The following GLI2 variants were observed in gnomAD, a reference collection of about 807,000 sequenced individuals.
GLI2 encodes transcription activator GLI2.
Under a neutral mutation model 78.9 loss-of-function variants are expected in GLI2, and 22 were observed. That is an observed-to-expected ratio of 0.28 (90% CI 0.20 to 0.40). GLI2 has a LOEUF of 0.40. Among genes scored for constraint, GLI2 ranks in the 10% least tolerant of loss-of-function variants. The pLI is 1.00. For synonymous variants in GLI2, 974 were observed against 963.7 expected (o/e 1.01, Z -0.20); for missense variants, 2,097 against 2,213.2 (o/e 0.95, Z 1.05).
chr2:120,754,350 C>T (rs188828097), intron 1 of GLI2, among the ~76,000 whole-genome samples: 3 of 152,146 alleles, frequency 2.0e-5, no homozygotes, highest in Non-Finnish European at 1.5e-5. Flanking sequence ...AAGTTTGACT[C>T]GTGTGTGCAA....
chr2:120,890,389 A>G (rs1677620104), intron 2 of GLI2, among the ~76,000 whole-genome samples: 1 of 152,178 alleles, frequency 6.6e-6, no homozygotes, highest in Non-Finnish European at 1.5e-5. Context: ...GGTGGTAGAT[A>G]TTGAATCTGT....
chr2:120,988,911 G>T lies in GLI2; in HGVS notation c.2946G>T (p.Pro982=). The T allele has an allele frequency of 6.6e-7, 1 of 1,516,360 alleles. No homozygotes were observed. Among genetic ancestry groups the T allele is most frequent in the Non-Finnish European group, 8.8e-7 (1 of 1,135,302 alleles). 93.9% of individuals were successfully genotyped at this position (1,516,360 alleles called of 1,614,324 possible). A position where few individuals can be genotyped will look rare whatever the true frequency, so the allele number is the denominator to read the frequency against. ...ACAACGTGAACCCCGGCCCGCTGCC[G>T]CCCTGTGCCGACAGGCGAGGCCTCC... ...STHNVNPGPL[P]PCADRRGLRL... Residue 982 remains proline, a synonymous_variant, in exon 14 of 14, where the codon CCG becomes CCT. Transcript: ENST00000361492.
At chr2:120,933,861 G>A (rs1680065427) in intron 3 of GLI2, among the ~76,000 whole-genome samples, 1 of 137,214 alleles carries the variant, frequency 7.3e-6, no homozygotes, top group Non-Finnish European at 1.6e-5. Flanking sequence ...GCCCTGCCCT[G>A]CCCTGCCCTG....
At chr2:120,765,946 ACTC>A (rs1046515642) in intron 1 of GLI2, among the ~76,000 whole-genome samples, 2 of 151,870 alleles carry the variant, frequency 1.3e-5, no homozygotes, top group Non-Finnish European at 2.9e-5. Flanking sequence ...CAGGAAAAGC[ACTC>A]CTCCTGGAAT....
chr2:120,962,022 G>A (rs917937227), intron 5 of GLI2, among the ~76,000 whole-genome samples: 10 of 152,130 alleles, frequency 6.6e-5, no homozygotes, highest in Non-Finnish European at 1.3e-4. Context: ...CACACAGGCC[G>A]TGGGGGGATC....
At chr2:120,840,119 C>G (rs1686796818) in intron 2 of GLI2, among the ~76,000 whole-genome samples, 1 of 152,126 alleles carries the variant, frequency 6.6e-6, no homozygotes, top group South Asian at 2.1e-4. Context: ...TCAGTTACAT[C>G]CCGCACATTC....
intron 2 of GLI2, among the ~76,000 whole-genome samples, chr2:120,845,048 G>A (rs1009444573): frequency 6.6e-6 from 1 of 152,086 alleles, no homozygotes. Context: ...TGAGGTGGGT[G>A]GATCACTTGA....
chr2:120,750,607 G>A (rs1212143078), intron 1 of GLI2, among the ~76,000 whole-genome samples: 3 of 152,256 alleles, frequency 2.0e-5, no homozygotes, highest in Non-Finnish European at 4.4e-5. Context: ...AAGGCAGTCT[G>A]TGTGGGCACG....
chr2:120,902,025 G>A (rs1678283321), intron 2 of GLI2, among the ~76,000 whole-genome samples: 1 of 151,830 alleles, frequency 6.6e-6, no homozygotes, highest in African/African-American at 2.4e-5. Flanking sequence ...GTTGCGTGCT[G>A]GAGCCAGCTC....
Position 120,988,611 on chromosome 2 carries a change from C to A in GLI2, c.2646C>A (p.Gly882=). The part of the protein sequence containing the change: ...LRAKYAAATG[G]PPPTPLPGLE... ...CCAAGTACGCGGCAGCCACTGGCGGCCCCCCGCCCACTCCGCTGCCGGGCC... is the reference window on the plus strand; with the variant it reads ...CCAAGTACGCGGCAGCCACTGGCGGACCCCCGCCCACTCCGCTGCCGGGCC... Residue 882 remains glycine, a synonymous_variant, in exon 14 of 14, where the codon GGC becomes GGA. Coordinates refer to ENST00000361492, the MANE Select transcript of GLI2 (RefSeq NM_001374353.1). The A allele has an allele frequency of 6.8e-7, 1 of 1,468,588 alleles. No individual in the cohort carries two copies. The highest frequency in any genetic ancestry group is 9.0e-7 in the Non-Finnish European group (1 of 1,116,100). The allele number at this position is 1,468,588 out of a possible 1,614,324, so 91.0% of individuals were successfully genotyped here.
At chr2:120,784,093 C>T (rs2104674098) in intron 1 of GLI2, among the ~76,000 whole-genome samples, 1 of 152,344 alleles carries the variant, frequency 6.6e-6, no homozygotes, top group East Asian at 1.9e-4. Flanking sequence ...ATCCAGGAGA[C>T]AGCTGACTTT....
intron 2 of GLI2, among the ~76,000 whole-genome samples, chr2:120,919,372 A>C (rs982289175): frequency 6.6e-6 from 1 of 152,254 alleles, no homozygotes; most frequent in Non-Finnish European, 1.5e-5. Flanking sequence ...ACTTCAGCTG[A>C]TTGGAGTCCA....
chr2:120,898,977 A>G (rs138782612), intron 2 of GLI2, among the ~76,000 whole-genome samples: 1 of 152,304 alleles, frequency 6.6e-6, no homozygotes, highest in Non-Finnish European at 1.5e-5. Context: ...TGGCACCTCC[A>G]GACACAGAAA....
intron 1 of GLI2, among the ~76,000 whole-genome samples, chr2:120,779,149 C>T (rs939217924): frequency 2.6e-5 from 4 of 152,228 alleles, no homozygotes; most frequent in African/African-American, 4.8e-5. Context: ...AGAGTACTTA[C>T]ACGCATCAGC....
At chr2:120,789,763 G>A (rs1326575244) in intron 1 of GLI2, among the ~76,000 whole-genome samples, 1 of 152,238 alleles carries the variant, frequency 6.6e-6, no homozygotes, top group African/African-American at 2.4e-5. Context: ...GATGGAGAAA[G>A]TAGAAAACTA....
chr2:120,769,584 T>C (rs1247607758), intron 1 of GLI2, among the ~76,000 whole-genome samples: 1 of 152,234 alleles, frequency 6.6e-6, no homozygotes, highest in African/African-American at 2.4e-5. Context: ...AGGAAATAAC[T>C]TACAGAAGGC....
At chr2:120,980,412 T>C (rs1682664934) in intron 10 of GLI2, among the ~76,000 whole-genome samples, 1 of 152,224 alleles carries the variant, frequency 6.6e-6, no homozygotes, top group Non-Finnish European at 1.5e-5. Flanking sequence ...TCTTTTCAGG[T>C]GCTTATTGGC....
In GLI2 at chr2:120,844,199, G is replaced by A. The variant is rs373795987; in HGVS notation, c.148+46731G>A. The stretch of plus-strand genomic sequence containing the variant: ...AGATTTCAGTCTTTCCAGGCCATAC[G>A]TATGGTCTCTGTCACAACTACTCTC... On this transcript the variant is annotated intron_variant, in intron 2 of 13. Transcript: ENST00000361492. Among the ~76,000 whole-genome samples the A allele has an allele frequency of 7.9e-5, 12 of 152,282 alleles. No homozygotes were observed. In the East Asian group the frequency reaches 1.2e-3, roughly 15 times the overall value.
At chr2:120,851,886 C>G (rs530129755) in intron 2 of GLI2, among the ~76,000 whole-genome samples, 1 of 152,332 alleles carries the variant, frequency 6.6e-6, no homozygotes, top group South Asian at 2.1e-4. Flanking sequence ...TGGGGAAGGC[C>G]TTTCCCAGGA....
Sources: gnomAD v4.1 joint callset for allele counts (sites outside exome capture counted in the v4.1 genomes callset) on GRCh38, gnomAD v4.1.1 for gene constraint, MANE v1.5 for transcripts, NCBI Gene and HGNC (gene_info 2026-07-23, HGNC 2026-07-21) for gene names.